VTCN1: variants seen among roughly 807,000 people sequenced by gnomAD.
The protein encoded by VTCN1 is V-set domain containing T cell activation inhibitor 1.
A neutral mutation model predicts 26.5 loss-of-function variants in VTCN1; 26 were observed. The observed-to-expected ratio is 0.98, with a 90% confidence interval of 0.72 to 1.36. The LOEUF is 1.36. Among genes scored for constraint, VTCN1 ranks in the 40% most tolerant of loss-of-function variants. VTCN1 has a pLI of 0.00. For missense variants in VTCN1, 298 were observed against 337.7 expected (o/e 0.88, Z 0.92); for synonymous variants, 116 against 130.7 (o/e 0.89, Z 0.77).
intron 1 of VTCN1, among the ~76,000 whole-genome samples, chr1:117,180,956 G>C (rs1277045917): frequency 6.6e-6 from 1 of 152,166 alleles, no homozygotes; most frequent in Non-Finnish European, 1.5e-5. Context: ...TTTCCTAATG[G>C]GGGCTCCACA....
chr1:117,186,309 T>C (rs1647940706), intron 1 of VTCN1, among the ~76,000 whole-genome samples: 2 of 152,242 alleles, frequency 1.3e-5, no homozygotes, highest in Non-Finnish European at 2.9e-5. Context: ...CATGTAGCTA[T>C]GGTGTGGTTG....
intron 1 of VTCN1, among the ~76,000 whole-genome samples, chr1:117,204,593 G>A (rs893098495): frequency 1.6e-4 from 25 of 152,166 alleles, no homozygotes; most frequent in African/African-American, 5.8e-4. Context: ...TTGGCCAGTT[G>A]CGGTGGCTCA....
intron 1 of VTCN1, among the ~76,000 whole-genome samples, chr1:117,201,232 G>T (rs1189620869): frequency 6.6e-6 from 1 of 152,126 alleles, no homozygotes; most frequent in Non-Finnish European, 1.5e-5. Flanking sequence ...GTCTTCCTGG[G>T]CTTGCTTAGG....
In VTCN1 at chr1:117,147,727, C is replaced by T; in HGVS notation, c.780G>A (p.Leu260=). 3.1e-6 allele frequency: 5 copies of T among 1,614,026 alleles called. No homozygotes were observed. The highest frequency in any genetic ancestry group is 4.2e-6 in the Non-Finnish European group (5 of 1,179,950). Residue 260 remains leucine, a synonymous_variant, in exon 5 of 6, where the codon CTG becomes CTA. Transcript: ENST00000369458. The surrounding 1 kb of genome is among the most constrained non-coding windows in gnomAD (Gnocchi z 4.6). ...TGATGGCAAAGAAAGAAGAGACACA[C>T]AGAGAAGCCTTTGAGTTTAGCAGCT... is the stretch of plus-strand genomic sequence containing the variant. ...HLQLLNSKAS[L]CVSSFFAISW...
Position 117,175,618 on chromosome 1 carries a change from A to G in VTCN1, c.33-5447T>C, listed in dbSNP as rs569589205. On this transcript the variant is annotated intron_variant, in intron 1 of 5. Transcript: ENST00000369458. The surrounding 1 kb of genome is among the most constrained non-coding windows in gnomAD (Gnocchi z 4.2). ...AAAGAAAAGGCATGTGAACCAACAC[A>G]ACGTCCATGTTGTCCTGCCATCATT... is the stretch of plus-strand genomic sequence containing the variant. 6.6e-6 allele frequency among the ~76,000 whole-genome samples: 1 copy of G among 152,340 alleles called. No homozygotes were observed. The highest frequency in any genetic ancestry group is 6.5e-5 in the Admixed American group (1 of 15,308).
At chr1:117,203,547 A>G (rs1648898739) in intron 1 of VTCN1, 1 of 932,806 alleles carries the variant, frequency 1.1e-6, no homozygotes. Context: ...AGGAAATCAG[A>G]AGCATTGCAG....
intron 1 of VTCN1, among the ~76,000 whole-genome samples, chr1:117,177,885 AG>A (rs35014982): frequency 1.3e-5 from 2 of 150,880 alleles, no homozygotes; most frequent in Admixed American, 6.6e-5. Context: ...CTGTGCTCAC[AG>A]GGAAGAGTGC....
chr1:117,168,649 G>A (rs1048730092), intron 2 of VTCN1, among the ~76,000 whole-genome samples: 4 of 152,150 alleles, frequency 2.6e-5, no homozygotes, highest in Admixed American at 1.3e-4. Flanking sequence ...GGTGATACCT[G>A]TAACTAGTTT....
At chr1:117,182,869 T>A (rs1038845759) in intron 1 of VTCN1, among the ~76,000 whole-genome samples, 3 of 152,176 alleles carry the variant, frequency 2.0e-5, no homozygotes, top group African/African-American at 7.2e-5. Context: ...TGCTGTGTCC[T>A]GTACCTACCC....
intron 1 of VTCN1, among the ~76,000 whole-genome samples, chr1:117,201,099 T>G (rs1201906842): frequency 6.6e-6 from 1 of 152,144 alleles, no homozygotes; most frequent in Non-Finnish European, 1.5e-5. Context: ...ACATTTATAA[T>G]GGGAAAGGAA....
intron 4 of VTCN1, among the ~76,000 whole-genome samples, chr1:117,152,279 C>T (rs1267757114): frequency 7.2e-5 from 11 of 152,108 alleles, no homozygotes; most frequent in African/African-American, 1.7e-4. Context: ...CAGTTAGATT[C>T]GGCAAACATT....
intron 4 of VTCN1, among the ~76,000 whole-genome samples, chr1:117,150,859 A>C (rs900957760): frequency 2.0e-5 from 3 of 152,210 alleles, no homozygotes; most frequent in African/African-American, 7.2e-5. Context: ...CTTTGTTTAA[A>C]TCATATAGTA....
chr1:117,164,630 C>T lies in VTCN1; in HGVS notation c.97+5477G>A, dbSNP rs551965849. 2.6e-5 allele frequency among the ~76,000 whole-genome samples: 4 copies of T among 152,262 alleles called. No individual in the cohort carries two copies. The South Asian group carries it at 8.3e-4, about 32-fold the overall frequency. On this transcript the variant is annotated intron_variant, in intron 2 of 5. Transcript: ENST00000369458. Reference sequence around the variant, plus strand: ...CCTTTAATTCTCACAATGACCCTGCCTATTTTACCAATGAGGAAACATTTA... The same window carrying T: ...CCTTTAATTCTCACAATGACCCTGCTTATTTTACCAATGAGGAAACATTTA...
chr1:117,173,491 T>C (rs556224389), intron 1 of VTCN1, among the ~76,000 whole-genome samples: 3 of 152,184 alleles, frequency 2.0e-5, no homozygotes, highest in Non-Finnish European at 4.4e-5. Context: ...GGATTCTCTT[T>C]CACTGCTCTC....
intron 1 of VTCN1, among the ~76,000 whole-genome samples, chr1:117,177,465 G>A (rs887195870): frequency 1.7e-4 from 26 of 152,166 alleles, no homozygotes; most frequent in Non-Finnish European, 2.6e-4. Context: ...GCAGGCTTGA[G>A]GAGAACTTTG....
intron 1 of VTCN1, among the ~76,000 whole-genome samples, chr1:117,182,545 T>C (rs1443754406): frequency 1.3e-5 from 2 of 152,156 alleles, no homozygotes; most frequent in Non-Finnish European, 2.9e-5. Flanking sequence ...TGCCTGCCTA[T>C]GTCAAGGGGC....
chr1:117,203,321 G>C (rs1449638863), intron 1 of VTCN1, among the ~76,000 whole-genome samples: 1 of 151,990 alleles, frequency 6.6e-6, no homozygotes, highest in Non-Finnish European at 1.5e-5. Flanking sequence ...GGGGGTGGAG[G>C]TGCTGAGAAA....
Position 117,159,841 on chromosome 1 carries a change from ATT to A in VTCN1, c.98-2922_98-2921del, listed in dbSNP as rs1652274255. On this transcript the variant is annotated intron_variant, in intron 2 of 5. Coordinates refer to ENST00000369458, the MANE Select transcript of VTCN1 (RefSeq NM_024626.4). This position sits in a 1 kb window ranked among gnomAD's most constrained non-coding sequence, Gnocchi z 4.7. The stretch of plus-strand genomic sequence containing the variant: ...TAGCTATAGCATAATGAAGAACTGT[ATT>A]TAATTCAGTTGATTTTTGGTTTAAA... Among the ~76,000 whole-genome samples the A allele has an allele frequency of 6.6e-6, 1 of 152,214 alleles. No homozygotes were observed. The highest frequency in any genetic ancestry group is 1.5e-5 in the Non-Finnish European group (1 of 68,038).
intron 4 of VTCN1, among the ~76,000 whole-genome samples, chr1:117,148,929 A>C (rs1203203198): frequency 1.3e-5 from 2 of 152,224 alleles, no homozygotes; most frequent in African/African-American, 2.4e-5. Flanking sequence ...GCAGGAGCAC[A>C]GCAGAATGTA....
Sources: allele counts gnomAD v4.1 joint callset (sites outside exome capture counted in the v4.1 genomes callset), GRCh38; gene constraint gnomAD v4.1.1; non-coding constraint Gnocchi (gnomAD v3.1); transcripts MANE v1.5; gene names NCBI Gene and HGNC (gene_info 2026-07-23, HGNC 2026-07-21).